Variants in AMPD2 observed in about 807,000 individuals in gnomAD.
AMPD2 encodes the protein adenosine monophosphate deaminase 2.
AMPD2 carries 52 observed loss-of-function variants against 91.3 expected under a neutral mutation model. The observed-to-expected ratio is 0.57, with a 90% CI of 0.46 to 0.72. AMPD2 has a LOEUF of 0.72. AMPD2 is among the 30% of genes least tolerant of loss of function. The probability of loss-of-function intolerance (pLI) is 0.00; values close to 1 mark genes in which losing one functional copy is unlikely to be tolerated. For missense variants in AMPD2, 822 were observed against 1,122.3 expected (o/e 0.73, Z 3.82); for synonymous variants, 455 against 456.4 (o/e 1.00, Z 0.04).
At position 109,628,754 on chromosome 1, in the gene AMPD2, C is replaced by T. The variant is rs374652371; in HGVS notation, c.1519C>T (p.His507Tyr). Residue 507 changes from histidine to tyrosine, a missense_variant, in exon 13 of 19, where the codon CAC becomes TAC. By Grantham distance (83) the His-to-Tyr change is moderately conservative. Coordinates refer to ENST00000528667, the MANE Select transcript of AMPD2 (RefSeq NM_001368809.2). This position sits in a 1 kb window ranked among gnomAD's most constrained non-coding sequence, Gnocchi z 7.1. Reference protein sequence around the residue: ...WDKLARWAVMHRVHSPNVRWL... With the variant: ...WDKLARWAVMYRVHSPNVRWL... The stretch of plus-strand genomic sequence containing the variant: ...CAAGCTGGCGCGCTGGGCCGTCATG[C>T]ACCGCGTGCACTCCCCCAACGTGCG... 5.0e-6 allele frequency: 8 copies of T among 1,591,382 alleles called. No individual in the cohort carries two copies. The highest frequency in any genetic ancestry group is 1.8e-5 in the Admixed American group (1 of 56,676).
rs377092790 is a variant in AMPD2 at position 109,627,445 on chromosome 1, C to T, written c.877C>T (p.Leu293=). 1 of 1,613,978 alleles carries T rather than the reference C, an allele frequency of 6.2e-7. No individual in the cohort carries two copies. Among genetic ancestry groups the T allele is most frequent in the Admixed American group, 1.7e-5 (1 of 59,996 alleles). The change falls in exon 9 of 19, where the codon CTG becomes TTG. Residue 293 remains leucine (L), a synonymous_variant. Coordinates refer to ENST00000528667, the MANE Select transcript of AMPD2 (RefSeq NM_001368809.2). ...CCATGCCAGTTGCTCAGAGGTGGAG[C>T]TGCCATACCCTGACCTGCAGGAATT... The part of the protein sequence containing the change: ...EPDEHCSEVE[L]PYPDLQEFVA...
rs1651177417 is a variant in AMPD2, at chr1:109,630,787, G to A, written c.2262G>A (p.Ser754=). 3.1e-6 allele frequency: 5 copies of A among 1,607,308 alleles called. No individual in the cohort carries two copies. Among genetic ancestry groups the A allele is most frequent in the Non-Finnish European group, 4.2e-6 (5 of 1,177,292 alleles). ...ARNSVLMSGF[S]HKVKSHWLGP... is the part of the protein sequence containing the mutation. ...ACAGCGTGCTCATGAGCGGCTTCTC[G>A]CACAAGGTACTACAGCGCCTGCCTG... Residue 754 remains serine (S), a synonymous_variant, in exon 18 of 19, where the codon TCG becomes TCA. Transcript: ENST00000528667.
rs771643046 is a variant in AMPD2, at chr1:109,631,471, G to T, written c.*319G>T. The T allele has an allele frequency of 3.4e-4, 156 of 454,762 alleles. No homozygotes were observed. The highest frequency in any genetic ancestry group is 6.2e-4 in the Middle Eastern group (1 of 1,606). 28.2% of individuals were successfully genotyped at this position (454,762 alleles called of 1,614,324 possible). A position where few individuals can be genotyped will look rare whatever the true frequency, so the allele number is the denominator to read the frequency against. ...GTCCACAGGGGCTTGGGATGGTTGT[G>T]GGGGGCTGGCCCCTCTAGCCTTTCC... On this transcript the variant is annotated 3_prime_UTR_variant, in exon 19 of 19. Coordinates refer to ENST00000528667, the MANE Select transcript of AMPD2 (RefSeq NM_001368809.2).
Position 109,625,874 on chromosome 1 carries a change from GCA to G in AMPD2, c.353+84_353+85del, listed in dbSNP as rs1378475220. ...AGCCCCTTTTCTGCCTCTTTCCCTC[GCA>G]CCCTGCCTTGGGGGGTCTGCACAGG... On this transcript the variant is annotated intron_variant, in intron 4 of 18. Coordinates refer to ENST00000528667, the MANE Select transcript of AMPD2 (RefSeq NM_001368809.2). This position sits in a 1 kb window ranked among gnomAD's most constrained non-coding sequence, Gnocchi z 4.0. The G allele has an allele frequency of 1.3e-6, 2 of 1,571,426 alleles. No individual in the cohort carries two copies. The highest frequency in any genetic ancestry group is 1.7e-6 in the Non-Finnish European group (2 of 1,156,346).
intron 6 of AMPD2, 67 bp downstream of exon 6, chr1:109,626,494 A>T (rs1472010060): frequency 1.7e-5 from 25 of 1,446,248 alleles, no homozygotes; most frequent in Non-Finnish European, 2.1e-5. Flanking sequence ...CCCAGCCTGG[A>T]GAGCTGGGGG....
rs1188032547 is a variant in AMPD2, at chr1:109,626,151, T to C, written c.354-9T>C. ...GATCTGCCTGACTTCTCACCCCTCT[T>C]GCCTCTAGGCTGGAGCCAGACATCC... On this transcript the variant is annotated splice_polypyrimidine_tract_variant and intron_variant, in intron 4 of 18. Coordinates refer to ENST00000528667, the MANE Select transcript of AMPD2 (RefSeq NM_001368809.2). 5.6e-6 allele frequency: 9 copies of C among 1,614,084 alleles called. No homozygotes were observed. Among genetic ancestry groups the C allele is most frequent in the Non-Finnish European group, 5.9e-6 (7 of 1,179,996 alleles).
At position 109,625,653 on chromosome 1, in the gene AMPD2, TC is replaced by T. The variant is rs770280481; in HGVS notation, c.223-3del. 4.3e-6 allele frequency: 7 copies of T among 1,611,618 alleles called. No homozygotes were observed. In the East Asian group the frequency reaches 8.9e-5, roughly 21 times the overall value. The stretch of plus-strand genomic sequence containing the variant: ...GCCAGCCATGCTGACCTTCCTTCCC[TC>T]CCCCCAGGAGCTGTTCACCCGCTCA... On this transcript the variant is annotated splice_polypyrimidine_tract_variant and splice_region_variant and intron_variant, in intron 3 of 18. Transcript: ENST00000528667. The surrounding 1 kb of genome is among the most constrained non-coding windows in gnomAD (Gnocchi z 4.0).
At chr1:109,627,627 T>C (rs878902337) in intron 9 of AMPD2, 109 bp downstream of exon 9, 2 of 1,528,752 alleles carry the variant, frequency 1.3e-6, no homozygotes, top group Admixed American at 1.7e-5. Flanking sequence ...TCCTAGTTGC[T>C]GAGCCCTCGA....
Position 109,624,887 on chromosome 1 carries a change from C to T in AMPD2, c.92-416C>T, listed in dbSNP as rs191695457. Among the ~76,000 whole-genome samples the T allele has an allele frequency of 7.0e-3, 1,062 of 152,202 alleles. 15 individuals carry two copies. Among genetic ancestry groups the T allele is most frequent in the African/African-American group, 0.024 (987 of 41,510 alleles). On this transcript the variant is annotated intron_variant, in intron 2 of 18. Transcript: ENST00000528667. The surrounding 1 kb of genome is among the most constrained non-coding windows in gnomAD (Gnocchi z 5.2). Reference sequence around the variant, plus strand: ...GCAGGCTGGGGGTCCCTGGTGTGGCCGCCTGGTCCTTACCAAGCACCTGGT... The same window carrying T: ...GCAGGCTGGGGGTCCCTGGTGTGGCTGCCTGGTCCTTACCAAGCACCTGGT...
chr1:109,628,802 CT>C lies in AMPD2; in HGVS notation c.1568del (p.Leu523ProfsTer42). 6.4e-7 allele frequency: 1 copy of C among 1,560,480 alleles called. No homozygotes were observed. Among genetic ancestry groups the C allele is most frequent in the Non-Finnish European group, 8.7e-7 (1 of 1,151,882 alleles). ...GCGCTGGCTGGTGCAGGTGCCCCGC[CT>C]CTTGTGAGTGTCCCTGGAGTGGGAG... Reference protein sequence around the residue: ...NVRWLVQVPRLFDVYRTKGQL... With the variant: ...NVRWLVQVPRXFDVYRTKGQL... On this transcript the variant is annotated frameshift_variant, in exon 13 of 19. Coordinates refer to ENST00000528667, the MANE Select transcript of AMPD2 (RefSeq NM_001368809.2). LOFTEE classifies it high-confidence loss of function. This position sits in a 1 kb window ranked among gnomAD's most constrained non-coding sequence, Gnocchi z 7.1.
chr1:109,621,146 T>C lies in AMPD2; in HGVS notation c.-30T>C, dbSNP rs1277967521. 3 of 1,595,752 alleles carry C rather than the reference T, an allele frequency of 1.9e-6. No homozygotes were observed. The African/African-American group carries it at 4.0e-5, about 21-fold the overall frequency. On this transcript the variant is annotated 5_prime_UTR_variant, in exon 2 of 19. Transcript: ENST00000528667. ...AGGCCCCAGCCGGTGCCGCTCAGAC[T>C]CCCCCGCTGTCGCCGCCGTGGTCCC...
In AMPD2 at chr1:109,625,889, G is replaced by A. The variant is rs1018865414; in HGVS notation, c.353+97G>A. 1 of 1,538,704 alleles carries A rather than the reference G, an allele frequency of 6.5e-7. No homozygotes were observed. Among genetic ancestry groups the A allele is most frequent in the Admixed American group, 1.9e-5 (1 of 53,556 alleles). On this transcript the variant is annotated intron_variant, in intron 4 of 18. Coordinates refer to ENST00000528667, the MANE Select transcript of AMPD2 (RefSeq NM_001368809.2). This position sits in a 1 kb window ranked among gnomAD's most constrained non-coding sequence, Gnocchi z 4.0. Reference sequence around the variant, plus strand: ...TCTTTCCCTCGCACCCTGCCTTGGGGGGTCTGCACAGGGAGCATAGAGTGG... The same window carrying A: ...TCTTTCCCTCGCACCCTGCCTTGGGAGGTCTGCACAGGGAGCATAGAGTGG...
At chr1:109,622,749 C>T (rs1032743419) in intron 2 of AMPD2, among the ~76,000 whole-genome samples, 2 of 152,010 alleles carry the variant, frequency 1.3e-5, no homozygotes, top group African/African-American at 4.8e-5. Context: ...AGCCTGAGAC[C>T]CCCCTGCTAG....
At position 109,630,664 on chromosome 1, in the gene AMPD2, G is replaced by A. The variant is rs1651156335; in HGVS notation, c.2158-19G>A. The A allele has an allele frequency of 1.2e-6, 2 of 1,603,798 alleles. No individual in the cohort carries two copies. Among genetic ancestry groups the A allele is most frequent in the African/African-American group, 2.7e-5 (2 of 74,726 alleles). ...AGCTGGCCAGGGCGCACTCGTCTGA[G>A]GGAACCTGGCCCGTGCAGGAGCCGC... On this transcript the variant is annotated intron_variant, in intron 17 of 18. Coordinates refer to ENST00000528667, the MANE Select transcript of AMPD2 (RefSeq NM_001368809.2).
chr1:109,626,385 G>A lies in AMPD2; in HGVS notation c.489G>A (p.Arg163=). ...RSLRERDVLE[R]EFQRVTISGE... is the part of the protein sequence containing the mutation. ...TGCGGGAGCGTGATGTGCTGGAACG[G>A]GAGTTTCAGCGGGTCACCATCTCTG... Residue 163 remains arginine, a synonymous_variant, in exon 6 of 19, where the codon CGG becomes CGA. Transcript: ENST00000528667. 6.2e-7 allele frequency: 1 copy of A among 1,612,132 alleles called. No individual in the cohort carries two copies. Among genetic ancestry groups the A allele is most frequent in the South Asian group, 1.1e-5 (1 of 90,996 alleles).
Position 109,626,175 on chromosome 1 carries a change from C to A in AMPD2, c.369C>A (p.Ile123=), listed in dbSNP as rs1650663757. 6.2e-7 allele frequency: 1 copy of A among 1,614,184 alleles called. No individual in the cohort carries two copies. Among genetic ancestry groups the A allele is most frequent in the South Asian group, 1.1e-5 (1 of 91,076 alleles). ...TTGCCTCTAGGCTGGAGCCAGACAT[C>A]CTGCTTCGGGCCAAGCAAGATTTCC... ...ISQDVKLEPD[I]LLRAKQDFLK... Residue 123 remains isoleucine, a synonymous_variant, in exon 5 of 19, where the codon ATC becomes ATA. Coordinates refer to ENST00000528667, the MANE Select transcript of AMPD2 (RefSeq NM_001368809.2).
Position 109,627,120 on chromosome 1 carries a change from G to T in AMPD2, c.719-55G>T, listed in dbSNP as rs900118257. The T allele has an allele frequency of 1.7e-5, 27 of 1,607,550 alleles. No homozygotes were observed. In the African/African-American group the frequency reaches 3.6e-4, roughly 21 times the overall value. ...GCCCTCTGTGGGGCCTTTGGGTTGG[G>T]CAGTGGGTGGCTTGGAAGAGCCCTG... On this transcript the variant is annotated intron_variant, in intron 7 of 18. Coordinates refer to ENST00000528667, the MANE Select transcript of AMPD2 (RefSeq NM_001368809.2).
rs935766123 is a variant in AMPD2 at position 109,630,461 on chromosome 1, C to T, written c.2157+55C>T. ...GGGCGTCCCAGGACGCTGGGGTCTC[C>T]CGGGTTGGGTGGGGGGCGGTGGGGG... On this transcript the variant is annotated intron_variant, in intron 17 of 18. Coordinates refer to ENST00000528667, the MANE Select transcript of AMPD2 (RefSeq NM_001368809.2). 1.6e-5 allele frequency: 6 copies of T among 377,316 alleles called. No homozygotes were observed. In the African/African-American group the frequency reaches 1.7e-4, roughly 11 times the overall value. 23.4% of individuals were successfully genotyped at this position (377,316 alleles called of 1,614,324 possible).
Position 109,625,264 on chromosome 1 carries a change from C to A in AMPD2, c.92-39C>A. The A allele has an allele frequency of 6.2e-7, 1 of 1,603,562 alleles. No homozygotes were observed. On this transcript the variant is annotated intron_variant, in intron 2 of 18. Transcript: ENST00000528667. This position sits in a 1 kb window ranked among gnomAD's most constrained non-coding sequence, Gnocchi z 4.0. The stretch of plus-strand genomic sequence containing the variant: ...AGGGGCCCAGGGCTTTCAGGGGCTG[C>A]CCCTCCACCCTTTGACCCTGGCATC...
Sources: allele counts gnomAD v4.1 joint callset (sites outside exome capture counted in the v4.1 genomes callset), GRCh38; gene constraint gnomAD v4.1.1; non-coding constraint Gnocchi (gnomAD v3.1); transcripts MANE v1.5; gene names NCBI Gene and HGNC (gene_info 2026-07-23, HGNC 2026-07-21).